Variants in ECH1 observed in about 807,000 individuals in gnomAD.
ECH1 encodes delta(3,5)-Delta(2,4)-dienoyl-CoA isomerase, mitochondrial.
In ECH1, 30 loss-of-function variants were observed where a neutral mutation model predicts 37.0. The ratio of observed to expected loss-of-function variants is 0.81; its 90% CI spans 0.61 to 1.10. ECH1 has a LOEUF of 1.10. Among genes scored for constraint, ECH1 ranks in the 50% least tolerant of loss-of-function variants. The probability of loss-of-function intolerance (pLI) is 0.00; values close to 1 mark genes in which losing one functional copy is unlikely to be tolerated. For missense variants in ECH1, 456 were observed against 441.6 expected, an observed-to-expected ratio of 1.03 and a Z score of -0.29; for synonymous variants, 178 against 176.0, an observed-to-expected ratio of 1.01 and a Z score of -0.09.
At chr19:38,818,889 T>C (rs1600014218) in intron 3 of ECH1, among the ~76,000 whole-genome samples, 2 of 142,194 alleles carry the variant, frequency 1.4e-5, no homozygotes, top group African/African-American at 5.2e-5. Context: ...TTGGGCACAC[T>C]GGCCTCCAAC....
At chr19:38,830,818 C>T in intron 3 of ECH1, 1 of 481,148 alleles carries the variant, frequency 2.1e-6, no homozygotes, top group Admixed American at 3.6e-5. Context: ...ACTAAAAATA[C>T]AAAAATTAGC....
intron 3 of ECH1, among the ~76,000 whole-genome samples, chr19:38,829,541 G>T (rs1026413176): frequency 6.6e-5 from 10 of 151,918 alleles, no homozygotes; most frequent in Non-Finnish European, 5.9e-5. Context: ...ATCTGGGCTG[G>T]GCGTGGTAGC....
chr19:38,818,922 T>C (rs1328166071), intron 3 of ECH1, among the ~76,000 whole-genome samples: 4 of 129,756 alleles, frequency 3.1e-5, no homozygotes, highest in Non-Finnish European at 5.0e-5. Flanking sequence ...TGTGTGTGTG[T>C]GTGTGTGTGT....
intron 3 of ECH1, among the ~76,000 whole-genome samples, chr19:38,829,061 G>A (rs753046979): frequency 2.6e-5 from 4 of 151,420 alleles, no homozygotes; most frequent in Non-Finnish European, 4.4e-5. Context: ...GAGGGGGGCC[G>A]ATCACTGGAG....
intron 3 of ECH1, among the ~76,000 whole-genome samples, chr19:38,824,817 C>G (rs565346803): frequency 6.6e-6 from 1 of 151,902 alleles, no homozygotes; most frequent in Non-Finnish European, 1.5e-5. Flanking sequence ...GATAATCTTC[C>G]TCTAATCTCC....
chr19:38,831,594 G>A, intron 1 of ECH1, 78 bp from the exon 2 acceptor site: 1 of 1,557,696 alleles, frequency 6.4e-7, no homozygotes, highest in Non-Finnish European at 8.7e-7. Context: ...CCTTCAAAAG[G>A]GAGCACACGC....
intron 3 of ECH1, among the ~76,000 whole-genome samples, chr19:38,822,446 C>T (rs1290214246): frequency 6.6e-6 from 1 of 151,820 alleles, no homozygotes; most frequent in Non-Finnish European, 1.5e-5. Flanking sequence ...CTATGTCTAG[C>T]TCAAGGTTTG....
At chr19:38,818,213 T>C in intron 3 of ECH1, 1 of 985,182 alleles carries the variant, frequency 1.0e-6, no homozygotes, top group South Asian at 4.7e-5. Context: ...GCCATGCTTT[T>C]CCCCAAGATG....
chr19:38,826,653 C>T (rs1971742894), intron 3 of ECH1, among the ~76,000 whole-genome samples: 2 of 152,176 alleles, frequency 1.3e-5, no homozygotes, highest in Non-Finnish European at 2.9e-5. Context: ...ATGCCTTCTT[C>T]TGTATTCCCC....
intron 3 of ECH1, among the ~76,000 whole-genome samples, chr19:38,819,500 T>G (rs1971630886): frequency 6.6e-6 from 1 of 151,984 alleles, no homozygotes; most frequent in Non-Finnish European, 1.5e-5. Flanking sequence ...TTCTAGAATG[T>G]GAGCTCTGAG....
intron 6 of ECH1, among the ~76,000 whole-genome samples, 193 bp from the exon 7 acceptor site, chr19:38,816,716 C>T (rs1334147149): frequency 6.6e-6 from 1 of 152,092 alleles, no homozygotes; most frequent in South Asian, 2.1e-4. Context: ...GAATAGAGCC[C>T]ACCTTCCCAC....
intron 3 of ECH1, among the ~76,000 whole-genome samples, chr19:38,820,799 C>CA (rs1041940589): frequency 3.9e-5 from 6 of 152,090 alleles, no homozygotes; most frequent in South Asian, 2.1e-4. Flanking sequence ...GGCACAGCCA[C>CA]AAAAAAGCCC....
intron 9 of ECH1, 50 bp downstream of exon 9, chr19:38,815,807 G>A (rs552518184): frequency 1.2e-6 from 2 of 1,613,218 alleles, no homozygotes; most frequent in Admixed American, 1.7e-5. Flanking sequence ...ACCCTGGTTG[G>A]TCGCCTGGGG....
Position 38,816,442 on chromosome 19 carries a change from C to G in ECH1, c.659+11G>C. On this transcript the variant is annotated intron_variant, in intron 7 of 9. Coordinates refer to ENST00000221418, the MANE Select transcript of ECH1 (RefSeq NM_001398.3). ...GTCTCCTGCCCACACCCCCACACCCCCTGCACCCACCTCTGGTTCCCGATG... is the reference window on the plus strand; with the variant it reads ...GTCTCCTGCCCACACCCCCACACCCGCTGCACCCACCTCTGGTTCCCGATG... 1.2e-6 allele frequency: 2 copies of G among 1,614,144 alleles called. No homozygotes were observed. Among genetic ancestry groups the G allele is most frequent in the Non-Finnish European group, 8.5e-7 (1 of 1,180,006 alleles).
Position 38,817,331 on chromosome 19 carries a change from C to T in ECH1, c.508G>A (p.Gly170Ser). Residue 170 changes from glycine (G) to serine (S), a missense_variant, in exon 5 of 10, where the codon GGC (glycine) becomes AGC (serine). Gly to Ser is a moderately conservative substitution (Grantham distance 56, BLOSUM62 0). Transcript: ENST00000221418. Reference sequence around the variant, plus strand: ...GCAGACTCACCTCCGCCAATGCAGCCCCCATGGACGGCAGCAATCACGGGC... The same window carrying T: ...GCAGACTCACCTCCGCCAATGCAGCTCCCATGGACGGCAGCAATCACGGGC... ...PKPVIAAVHG[G>S]CIGGGVDLVT... The T allele has an allele frequency of 1.3e-6, 2 of 1,570,820 alleles. 1 individual carries two copies. The highest frequency in any genetic ancestry group is 2.3e-5 in the South Asian group (2 of 86,296).
chr19:38,818,508 GAC>G, intron 3 of ECH1: 4 of 553,546 alleles, frequency 7.2e-6, no homozygotes, highest in Non-Finnish European at 9.2e-6. Context: ...TTTTATTTCA[GAC>G]AGAGTCTCGC....
Position 38,815,940 on chromosome 19 carries a change from T to G in ECH1, c.799A>C (p.Lys267Gln). Residue 267 changes from lysine to glutamine, a missense_variant, in exon 9 of 10, where the codon AAG becomes CAG. By Grantham distance (53) the Lys-to-Gln change is moderately conservative (BLOSUM62 1). Transcript: ENST00000221418. ...ALALAAEISS[K>Q]SPVAVQSTKV... ...GTGCTCTGCACCGCCACGGGGCTCTTGCTGGAAATCTCGGCCGCCAGCGCT... is the reference window on the plus strand; with the variant it reads ...GTGCTCTGCACCGCCACGGGGCTCTGGCTGGAAATCTCGGCCGCCAGCGCT... 6.2e-7 allele frequency: 1 copy of G among 1,614,178 alleles called. No homozygotes were observed.
intron 3 of ECH1, among the ~76,000 whole-genome samples, chr19:38,828,212 C>A (rs1348382092): frequency 6.6e-6 from 1 of 152,112 alleles, no homozygotes; most frequent in East Asian, 1.9e-4. Flanking sequence ...ACTCAAAATA[C>A]AAAGAAACAG....
In ECH1 at chr19:38,817,359, G is replaced by C; in HGVS notation, c.480C>G (p.Pro160=). The change falls in exon 5 of 10, where the codon CCC becomes CCG. Residue 160 remains proline, a synonymous_variant. Transcript: ENST00000221418. ...CATGGACGGCAGCAATCACGGGCTT[G>C]GGGCACTGAGAGGGAACAGGAAGAG... ...QETFNVIERC[P]KPVIAAVHGG... is the part of the protein sequence containing the mutation. 6.3e-7 allele frequency: 1 copy of C among 1,593,122 alleles called. No individual in the cohort carries two copies.
Sources: gnomAD v4.1 joint callset for allele counts (sites outside exome capture counted in the v4.1 genomes callset) on GRCh38, gnomAD v4.1.1 for gene constraint, MANE v1.5 for transcripts, NCBI Gene and HGNC (gene_info 2026-07-23, HGNC 2026-07-21) for gene names.